SNURF: variants seen among roughly 807,000 people sequenced by gnomAD.
SNURF encodes the protein SNRPN upstream open reading frame, also known as SNURF protein.
SNURF carries 6 observed loss-of-function variants against 11.6 expected under a neutral mutation model. The observed-to-expected ratio is 0.52, with a 90% CI of 0.28 to 1.02. The LOEUF (loss-of-function observed/expected upper bound fraction) is 1.02, where lower values mean the gene tolerates loss of function less well. Ranked by LOEUF, SNURF falls within the 50% of genes least tolerant of loss-of-function variation. SNURF has a pLI of 0.09. For synonymous variants in SNURF, 29 were observed against 31.6 expected (o/e 0.92, Z 0.27); for missense variants, 84 against 88.4 (o/e 0.95, Z 0.20).
chr15:24,962,028 A>G, intron 1 of SNURF, 86 bp from the exon 2 acceptor site: 2 of 1,084,862 alleles, frequency 1.8e-6, no homozygotes, highest in Non-Finnish European at 1.4e-6. Context: ...ATTATATTAA[A>G]TGTAGTTCTA....
downstream of SNURF, among the ~76,000 whole-genome samples, chr15:24,972,319 T>G (rs550185936): frequency 2.0e-5 from 3 of 151,916 alleles, no homozygotes; most frequent in South Asian, 6.2e-4. Flanking sequence ...GGATTTAGAC[T>G]GCTTTATAAA....
chr15:24,958,386 C>CTTT (rs75210247), intron 1 of SNURF, among the ~76,000 whole-genome samples: 1 of 124,218 alleles, frequency 8.1e-6, no homozygotes, highest in African/African-American at 2.9e-5. Context: ...GTCCTGTCTC[C>CTTT]TTTTTTTTTT....
At chr15:24,975,392 T>C (rs756691188) in exon 4 of SNURF, 1 of 1,613,670 alleles carries the variant, frequency 6.2e-7, no homozygotes, top group Admixed American at 1.7e-5. Flanking sequence ...CTGCAGCACA[T>C]TGACTATAGA....
In SNURF at chr15:24,967,855, C is replaced by T; in HGVS notation, c.111-77C>T. 18 of 1,122,020 alleles carry T rather than the reference C, an allele frequency of 1.6e-5. No individual in the cohort carries two copies. In the South Asian group the frequency reaches 2.3e-4, roughly 14 times the overall value. The allele number at this position is 1,122,020 out of a possible 1,614,324, so 69.5% of individuals were successfully genotyped here. A position where few individuals can be genotyped will look rare whatever the true frequency, so the allele number is the denominator to read the frequency against. The stretch of plus-strand genomic sequence containing the variant: ...GAATATCTTCTTAAATGTAAGGGTA[C>T]CTAGTTTTCTTTCATATGGTTTCCT... On this transcript the variant is annotated intron_variant, in intron 2 of 2. Coordinates refer to ENST00000577949, the Ensembl canonical transcript of SNURF.
chr15:24,962,287 G>A, intron 2 of SNURF, 78 bp downstream of exon 2: 1 of 1,133,140 alleles, frequency 8.8e-7, no homozygotes, highest in Non-Finnish European at 1.3e-6. Flanking sequence ...TGCAATGAGG[G>A]GATTAAAATG....
At chr15:24,977,870 A>C, downstream of SNURF, 1 of 1,610,038 alleles carries the variant, frequency 6.2e-7, no homozygotes, top group Non-Finnish European at 8.5e-7. Context: ...ACCCACCAGG[A>C]CGGGGCACTC....
intron 3 of SNURF, chr15:24,974,747 CAG>C: frequency 1.6e-6 from 1 of 607,876 alleles, no homozygotes. Context: ...TTATTAGAAA[CAG>C]GGTTTCACTG....
chr15:24,976,380 G>T, exon 5 of SNURF: 1 of 1,613,156 alleles, frequency 6.2e-7, no homozygotes. Flanking sequence ...GGGAGAACTT[G>T]GTATCCATGA....
chr15:24,961,549 T>TTTTG (rs374876404), intron 1 of SNURF, among the ~76,000 whole-genome samples: 2 of 152,118 alleles, frequency 1.3e-5, no homozygotes, highest in Non-Finnish European at 2.9e-5. Context: ...ATGGCGGGTT[T>TTTTG]TTTGTTTGTT....
At chr15:24,956,056 GC>G (rs1417127831) in intron 1 of SNURF, among the ~76,000 whole-genome samples, 1 of 152,130 alleles carries the variant, frequency 6.6e-6, no homozygotes, top group Admixed American at 6.5e-5. Flanking sequence ...TGCCTACACT[GC>G]CGCAGGGGCT....
intron 2 of SNURF, among the ~76,000 whole-genome samples, chr15:24,965,266 G>A (rs538687997): frequency 1.8e-4 from 27 of 152,236 alleles, no homozygotes; most frequent in Non-Finnish European, 3.1e-4. Context: ...GGCTGGGTGC[G>A]GTGGCTCACG....
At chr15:24,971,096 A>G (rs1225193070), downstream of SNURF, among the ~76,000 whole-genome samples, 1 of 152,082 alleles carries the variant, frequency 6.6e-6, no homozygotes, top group Non-Finnish European at 1.5e-5. Context: ...TAGTCATCTT[A>G]TTTTACTTTT....
intron 1 of SNURF, 58 bp downstream of exon 1, chr15:24,955,120 C>A (rs1480581093): frequency 1.9e-6 from 3 of 1,610,586 alleles, no homozygotes. Flanking sequence ...CACTTTTATT[C>A]ATCAGATATT....
At chr15:24,960,131 G>T (rs929665098) in intron 1 of SNURF, among the ~76,000 whole-genome samples, 1 of 152,092 alleles carries the variant, frequency 6.6e-6, no homozygotes, top group Non-Finnish European at 1.5e-5. Flanking sequence ...TGGGTGTGGT[G>T]GTGCATGCCT....
At position 24,967,810 on chromosome 15, in the gene SNURF, A is replaced by G. The variant is rs986969695; in HGVS notation, c.111-122A>G. The G allele has an allele frequency of 3.4e-3, 554 of 164,664 alleles. 1 individual carries two copies. The highest frequency in any genetic ancestry group is 4.6e-3 in the Admixed American group (30 of 6,498). 10.2% of individuals were successfully genotyped at this position (164,664 alleles called of 1,614,324 possible). A position where few individuals can be genotyped will look rare whatever the true frequency, so the allele number is the denominator to read the frequency against. On this transcript the variant is annotated intron_variant, in intron 2 of 2. Coordinates refer to ENST00000577949, the Ensembl canonical transcript of SNURF. ...GCAACAGAATGAGACCCTGTCTGGA[A>G]AAAAAAAAAAAAAAAAAAGGAATAT... is the stretch of plus-strand genomic sequence containing the variant.
downstream of SNURF, among the ~76,000 whole-genome samples, chr15:24,970,079 G>T (rs969824623): frequency 5.9e-5 from 9 of 152,282 alleles, no homozygotes; most frequent in East Asian, 1.5e-3. Context: ...CATAGAAGGT[G>T]ATAAAGAATA....
chr15:24,964,486 G>T (rs1566962173), intron 2 of SNURF, among the ~76,000 whole-genome samples: 2 of 152,018 alleles, frequency 1.3e-5, no homozygotes, highest in Admixed American at 6.6e-5. Flanking sequence ...TAGAGACAGG[G>T]TTTCTCCATG....
intron 3 of SNURF, chr15:24,975,207 A>G: frequency 1.5e-6 from 1 of 662,418 alleles, no homozygotes; most frequent in South Asian, 1.9e-5. Flanking sequence ...AGCCATACTA[A>G]ATATGGAAGA....
chr15:24,978,166 C>G, downstream of SNURF: 1 of 1,605,554 alleles, frequency 6.2e-7, no homozygotes, highest in Non-Finnish European at 8.5e-7. Flanking sequence ...TTTATGAGGC[C>G]TTTATTTCTA....
Sources: allele counts gnomAD v4.1 joint callset (sites outside exome capture counted in the v4.1 genomes callset), GRCh38; gene constraint gnomAD v4.1.1; transcripts MANE v1.5; gene names NCBI Gene and HGNC (gene_info 2026-07-23, HGNC 2026-07-21).